Variants in ROBO1 observed in about 807,000 individuals in gnomAD.
ROBO1 encodes the protein roundabout homolog 1.
Under a neutral mutation model 195.9 loss-of-function variants are expected in ROBO1, and 149 were observed. The observed-to-expected ratio is 0.76, with a 90% CI of 0.67 to 0.87. The LOEUF is 0.87. ROBO1 is among the 40% of genes least tolerant of loss of function. ROBO1 has a pLI of 0.00. For missense variants in ROBO1, 1,933 were observed against 2,068.3 expected, an observed-to-expected ratio of 0.93 and a Z score of 1.27; for synonymous variants, 816 against 733.2, an observed-to-expected ratio of 1.11 and a Z score of -1.82.
chr3:79,248,159 T>C (rs1472652744), intron 2 of ROBO1, among the ~76,000 whole-genome samples: 1 of 152,064 alleles, frequency 6.6e-6, no homozygotes, highest in Non-Finnish European at 1.5e-5. Context: ...GCTTTATTTT[T>C]CTAGTAAGAA....
chr3:78,777,026 T>G (rs1169686920), intron 4 of ROBO1, among the ~76,000 whole-genome samples: 2 of 152,150 alleles, frequency 1.3e-5, no homozygotes, highest in African/African-American at 4.8e-5. Context: ...GTGGATGTCA[T>G]CTCTATAATA....
chr3:79,636,135 G>C (rs541006844), intron 1 of ROBO1, among the ~76,000 whole-genome samples: 1 of 152,094 alleles, frequency 6.6e-6, no homozygotes, highest in East Asian at 1.9e-4. Context: ...TTAAGTGTGG[G>C]GGAGAATTTA....
chr3:79,645,296 G>A (rs1437534236), intron 1 of ROBO1, among the ~76,000 whole-genome samples: 1 of 151,942 alleles, frequency 6.6e-6, no homozygotes, highest in Non-Finnish European at 1.5e-5. Context: ...GAGCCCAGGA[G>A]TTTGAGATTA....
intron 2 of ROBO1, among the ~76,000 whole-genome samples, chr3:79,406,340 G>A (rs2037548105): frequency 6.6e-6 from 1 of 151,904 alleles, no homozygotes; most frequent in Non-Finnish European, 1.5e-5. Flanking sequence ...GGAGGCTGAG[G>A]TGAGATCTCT....
chr3:79,624,464 G>A (rs970596677), intron 1 of ROBO1, among the ~76,000 whole-genome samples: 4 of 151,828 alleles, frequency 2.6e-5, no homozygotes, highest in Non-Finnish European at 5.9e-5. Context: ...CAACTCACAT[G>A]AAAAGACACA....
intron 3 of ROBO1, among the ~76,000 whole-genome samples, chr3:78,944,775 G>A (rs1023092033): frequency 1.3e-5 from 2 of 152,194 alleles, no homozygotes; most frequent in East Asian, 1.9e-4. Context: ...AAAGAAAGGG[G>A]TGACAGATGG....
chr3:79,611,405 G>A (rs1481492688), intron 1 of ROBO1, among the ~76,000 whole-genome samples: 5 of 151,930 alleles, frequency 3.3e-5, no homozygotes, highest in Admixed American at 3.3e-4. Context: ...AAATCGATGG[G>A]ATATTATTTT....
At chr3:79,072,540 C>T (rs897617255) in intron 3 of ROBO1, among the ~76,000 whole-genome samples, 3 of 151,832 alleles carry the variant, frequency 2.0e-5, no homozygotes, top group Admixed American at 6.6e-5. Flanking sequence ...CAGTGTTCAC[C>T]ACTTCTTCAT....
intron 2 of ROBO1, among the ~76,000 whole-genome samples, chr3:79,295,371 T>C (rs532309790): frequency 6.6e-6 from 1 of 152,092 alleles, no homozygotes; most frequent in East Asian, 1.9e-4. Context: ...ACACTGCATG[T>C]TGTCACTCAT....
At chr3:78,950,897 C>T (rs897844634) in intron 3 of ROBO1, among the ~76,000 whole-genome samples, 7 of 151,988 alleles carry the variant, frequency 4.6e-5, no homozygotes, top group African/African-American at 1.7e-4. Context: ...AATATCCTTA[C>T]ATGATCAGTT....
At position 78,618,117 on chromosome 3, in the gene ROBO1, C is replaced by T. The variant is rs572532926; in HGVS notation, c.3876-76G>A. On this transcript the variant is annotated intron_variant, in intron 26 of 30. Coordinates refer to ENST00000464233, the MANE Select transcript of ROBO1 (RefSeq NM_002941.4). The stretch of plus-strand genomic sequence containing the variant: ...AAAAGGACAAATTACCCAAGAAATT[C>T]ACAAGCATGCAGATTTGACCTTTAC... The T allele has an allele frequency of 1.9e-3, 2,703 of 1,435,044 alleles. 3 individuals are homozygous for T. Among genetic ancestry groups the T allele is most frequent in the Middle Eastern group, 4.1e-3 (22 of 5,320 alleles). 88.9% of individuals were successfully genotyped at this position (1,435,044 alleles called of 1,614,324 possible). A position where few individuals can be genotyped will look rare whatever the true frequency, so the allele number is the denominator to read the frequency against.
chr3:78,939,432 G>C (rs1260917981), intron 3 of ROBO1, among the ~76,000 whole-genome samples: 2 of 150,468 alleles, frequency 1.3e-5, no homozygotes, highest in African/African-American at 4.9e-5. Context: ...GGCTAACAAG[G>C]TGAAACCCCG....
intron 4 of ROBO1, among the ~76,000 whole-genome samples, chr3:78,900,486 T>C (rs1426680140): frequency 1.3e-5 from 2 of 152,174 alleles, no homozygotes; most frequent in African/African-American, 2.4e-5. Context: ...TGCATGATGT[T>C]CTTAATAAAA....
At chr3:79,106,530 A>G (rs1405200978) in intron 3 of ROBO1, among the ~76,000 whole-genome samples, 3 of 151,658 alleles carry the variant, frequency 2.0e-5, no homozygotes, top group African/African-American at 2.4e-5. Context: ...CATGTATTAT[A>G]TTAATATAAA....
chr3:79,654,838 T>G (rs1267583641), intron 1 of ROBO1, among the ~76,000 whole-genome samples: 3 of 152,068 alleles, frequency 2.0e-5, no homozygotes, highest in African/African-American at 4.8e-5. Flanking sequence ...AAACTATTCC[T>G]ATTTCATCCT....
At chr3:79,300,416 G>A (rs937287447) in intron 2 of ROBO1, among the ~76,000 whole-genome samples, 16 of 152,224 alleles carry the variant, frequency 1.1e-4, no homozygotes, top group African/African-American at 3.4e-4. Flanking sequence ...GCCCACCGGC[G>A]CTGCGCTCGA....
At chr3:78,869,836 A>T (rs1190433435) in intron 4 of ROBO1, among the ~76,000 whole-genome samples, 1 of 152,128 alleles carries the variant, frequency 6.6e-6, no homozygotes, top group Non-Finnish European at 1.5e-5. Flanking sequence ...TTCTTCACTG[A>T]ATTGTTCTGT....
At chr3:79,230,502 T>A (rs1053247004) in intron 2 of ROBO1, among the ~76,000 whole-genome samples, 1 of 151,754 alleles carries the variant, frequency 6.6e-6, no homozygotes, top group African/African-American at 2.4e-5. Context: ...AATGTGACAA[T>A]AGCAAATGTA....
At chr3:79,507,412 C>T (rs1022587359) in intron 2 of ROBO1, among the ~76,000 whole-genome samples, 3 of 152,124 alleles carry the variant, frequency 2.0e-5, no homozygotes, top group Non-Finnish European at 4.4e-5. Context: ...AAGAGCAGTA[C>T]TGCAACTTAC....
Sources: allele counts gnomAD v4.1 joint callset (sites outside exome capture counted in the v4.1 genomes callset), GRCh38; gene constraint gnomAD v4.1.1; transcripts MANE v1.5; gene names NCBI Gene and HGNC (gene_info 2026-07-23, HGNC 2026-07-21).